The following BNC2 variants were observed in gnomAD, a reference collection of about 807,000 sequenced individuals.
BNC2 encodes basonuclin zinc finger protein 2, also known as zinc finger protein basonuclin-2.
A neutral mutation model predicts 76.3 loss-of-function variants in BNC2; 20 were observed. The ratio of observed to expected loss-of-function variants is 0.26; its 90% CI spans 0.18 to 0.38. The LOEUF (loss-of-function observed/expected upper bound fraction) is 0.38. Ranked by LOEUF, BNC2 falls within the 10% of genes least tolerant of loss-of-function variation. The pLI is 1.00. For synonymous variants in BNC2, 582 were observed against 514.8 expected (o/e 1.13, Z -1.77); for missense variants, 1,382 against 1,399.8 (o/e 0.99, Z 0.20).
At chr9:16,443,064 C>CAAAA (rs908689709) in intron 5 of BNC2, among the ~76,000 whole-genome samples, 5 of 63,634 alleles carry the variant, frequency 7.9e-5, no homozygotes, top group African/African-American at 2.2e-4. Flanking sequence ...GAGACTCTGT[C>CAAAA]AAAAAAAAAA....
In BNC2 at chr9:16,411,179, C is replaced by T. The variant is rs543477312; in HGVS notation, c.*7810G>A. The T allele has an allele frequency of 1.3e-5, 2 of 152,774 alleles. No individual in the cohort carries two copies. Among genetic ancestry groups the T allele is most frequent in the African/African-American group, 4.8e-5 (2 of 41,560 alleles). 9.5% of individuals were successfully genotyped at this position (152,774 alleles called of 1,614,324 possible). A position where few individuals can be genotyped will look rare whatever the true frequency, so the allele number is the denominator to read the frequency against. The stretch of plus-strand genomic sequence containing the variant: ...GGTCTCCCCAGAGTCACCTCTCAAT[C>T]CTTGCATTCCATGACAGAAGTGGGC... On this transcript the variant is annotated 3_prime_UTR_variant, in exon 7 of 7. Coordinates refer to ENST00000380672, the MANE Select transcript of BNC2 (RefSeq NM_017637.6).
chr9:16,706,918 G>T (rs10962546), intron 3 of BNC2, among the ~76,000 whole-genome samples: 90,915 of 152,116 alleles, frequency 0.6, 30,737 homozygotes, highest in Non-Finnish European at 0.79. Flanking sequence ...AATACAGCAA[G>T]AAGGCTGGGC....
At chr9:16,681,977 C>A (rs2134303935) in intron 3 of BNC2, among the ~76,000 whole-genome samples, 1 of 152,066 alleles carries the variant, frequency 6.6e-6, no homozygotes, top group Middle Eastern at 3.4e-3. Context: ...TCCACTTAGA[C>A]TGCTCTACCG....
intron 1 of BNC2, among the ~76,000 whole-genome samples, chr9:16,847,830 T>C (rs996658074): frequency 6.6e-6 from 1 of 152,220 alleles, no homozygotes; most frequent in East Asian, 1.9e-4. Context: ...GCGGTAGATG[T>C]GTAAACAGTT....
At position 16,838,579 on chromosome 9, in the gene BNC2, G is replaced by C. The variant is rs115065047; in HGVS notation, c.3+32067C>G. Reference sequence around the variant, plus strand: ...TCCGTGTTAAAAAAAAGAAATGCGAGTTGTTACCTCAAATGTTTTAGTTCT... The same window carrying C: ...TCCGTGTTAAAAAAAAGAAATGCGACTTGTTACCTCAAATGTTTTAGTTCT... On this transcript the variant is annotated intron_variant, in intron 1 of 6. Transcript: ENST00000380672. 9.7e-3 allele frequency among the ~76,000 whole-genome samples: 1,472 copies of C among 152,162 alleles called. 22 individuals are homozygous for C. The highest frequency in any genetic ancestry group is 0.033 in the African/African-American group (1,361 of 41,518).
chr9:16,727,905 A>G lies in BNC2; in HGVS notation c.222T>C (p.Cys74=). The G allele has an allele frequency of 6.2e-7, 1 of 1,614,172 alleles. No homozygotes were observed. The highest frequency in any genetic ancestry group is 8.5e-7 in the Non-Finnish European group (1 of 1,180,036). ...RARDLTLRDS[C]TDNSMQFGTR... Reference sequence around the variant, plus strand: ...TTCCGAACTGCATGGAGTTGTCAGTACAGGAGTCTCTTAAAGTCAAGTCTC... The same window carrying G: ...TTCCGAACTGCATGGAGTTGTCAGTGCAGGAGTCTCTTAAAGTCAAGTCTC... The change falls in exon 3 of 7, where the codon TGT becomes TGC. Residue 74 remains cysteine (C), a synonymous_variant. Coordinates refer to ENST00000380672, the MANE Select transcript of BNC2 (RefSeq NM_017637.6).
At chr9:16,422,470 G>A (rs185725918) in intron 6 of BNC2, among the ~76,000 whole-genome samples, 1 of 152,158 alleles carries the variant, frequency 6.6e-6, no homozygotes, top group Non-Finnish European at 1.5e-5. Flanking sequence ...TTCAGTACAC[G>A]GGTTCATTCA....
intron 1 of BNC2, among the ~76,000 whole-genome samples, chr9:16,782,364 G>A (rs916465194): frequency 2.6e-5 from 4 of 151,786 alleles, no homozygotes; most frequent in African/African-American, 4.8e-5. Flanking sequence ...TTTCTATCGG[G>A]GTAAGAAATC....
intron 1 of BNC2, among the ~76,000 whole-genome samples, chr9:16,770,873 A>C (rs1328506701): frequency 1.3e-5 from 2 of 151,984 alleles, no homozygotes. Flanking sequence ...ACCCTGTCAC[A>C]AAAAGAAAAG....
intron 5 of BNC2, among the ~76,000 whole-genome samples, chr9:16,542,072 A>G (rs1383769608): frequency 6.6e-6 from 1 of 152,192 alleles, no homozygotes; most frequent in African/African-American, 2.4e-5. Context: ...CATTACTCAC[A>G]CTAACTAGAA....
At chr9:16,420,462 T>TA (rs1033192039) in intron 6 of BNC2, among the ~76,000 whole-genome samples, 2 of 151,910 alleles carry the variant, frequency 1.3e-5, no homozygotes, top group Non-Finnish European at 2.9e-5. Context: ...AGAAACTTTT[T>TA]AAAAAAATAA....
At chr9:16,477,282 A>G (rs1291168965) in intron 5 of BNC2, among the ~76,000 whole-genome samples, 2 of 152,042 alleles carry the variant, frequency 1.3e-5, no homozygotes, top group African/African-American at 2.4e-5. Context: ...TTTTAAAACT[A>G]TCATGCAGCT....
At chr9:16,496,154 C>T (rs1415676169) in intron 5 of BNC2, among the ~76,000 whole-genome samples, 5 of 152,012 alleles carry the variant, frequency 3.3e-5, no homozygotes, top group African/African-American at 1.2e-4. Context: ...GGTGATCCGC[C>T]CGCCTCAGCC....
chr9:16,569,098 T>C (rs1012636291), intron 4 of BNC2, among the ~76,000 whole-genome samples: 3 of 149,074 alleles, frequency 2.0e-5, no homozygotes, highest in Admixed American at 2.0e-4. Context: ...TCAACCCTTA[T>C]GTACAAAGGG....
intron 1 of BNC2, among the ~76,000 whole-genome samples, chr9:16,753,331 T>A (rs939841218): frequency 2.1e-4 from 32 of 152,158 alleles, no homozygotes. Context: ...ATTACTGCAA[T>A]AAATCATTAT....
At chr9:16,771,947 G>A (rs541655482) in intron 1 of BNC2, among the ~76,000 whole-genome samples, 89 of 152,074 alleles carry the variant, frequency 5.9e-4, no homozygotes, top group African/African-American at 2.1e-3. Flanking sequence ...AGGATGGCAG[G>A]GACTATAAAT....
intron 5 of BNC2, among the ~76,000 whole-genome samples, chr9:16,500,622 T>A (rs142777201): frequency 1.1e-3 from 161 of 152,328 alleles, no homozygotes; most frequent in African/African-American, 3.6e-3. Context: ...ACCAATCTTC[T>A]ATATGCGCTT....
At chr9:16,836,013 G>A (rs11789463) in intron 1 of BNC2, among the ~76,000 whole-genome samples, 51,915 of 151,974 alleles carry the variant, frequency 0.34, 11,758 homozygotes, top group Non-Finnish European at 0.51. Context: ...TCAGCAGGCT[G>A]CAGTACATAA....
chr9:16,795,093 A>G (rs1194847032), intron 1 of BNC2, among the ~76,000 whole-genome samples: 1 of 152,214 alleles, frequency 6.6e-6, no homozygotes, highest in Non-Finnish European at 1.5e-5. Context: ...GATCCAAGAA[A>G]GATGCAATCC....
Sources: gnomAD v4.1 joint callset for allele counts (sites outside exome capture counted in the v4.1 genomes callset) on GRCh38, gnomAD v4.1.1 for gene constraint, MANE v1.5 for transcripts, NCBI Gene and HGNC (gene_info 2026-07-23, HGNC 2026-07-21) for gene names.